MBOAT2: variants seen among roughly 807,000 people sequenced by gnomAD.
MBOAT2 encodes membrane-bound glycerophospholipid O-acyltransferase 2.
Under a neutral mutation model 63.4 loss-of-function variants are expected in MBOAT2, and 28 were observed. The ratio of observed to expected loss-of-function variants is 0.44; its 90% CI spans 0.33 to 0.61. The LOEUF (loss-of-function observed/expected upper bound fraction) is 0.61, where lower values mean the gene tolerates loss of function less well. MBOAT2 is among the 20% of genes least tolerant of loss of function. The pLI, the probability that MBOAT2 is intolerant of heterozygous loss-of-function variation, is 0.03. For missense variants in MBOAT2, 470 were observed against 605.8 expected, an observed-to-expected ratio of 0.78 and a Z score of 2.35; for synonymous variants, 211 against 215.6, an observed-to-expected ratio of 0.98 and a Z score of 0.19.
intron 3 of MBOAT2, among the ~76,000 whole-genome samples, chr2:8,926,997 T>C (rs1343477510): frequency 6.6e-6 from 1 of 152,200 alleles, no homozygotes; most frequent in Non-Finnish European, 1.5e-5. Flanking sequence ...AGACAGGTCT[T>C]AGTGATGGCT....
chr2:8,921,941 C>A (rs1666601030), intron 3 of MBOAT2, among the ~76,000 whole-genome samples: 5 of 152,210 alleles, frequency 3.3e-5, no homozygotes, highest in Admixed American at 2.6e-4. Context: ...CAATGGCCAT[C>A]ACTTCCTCAA....
chr2:8,928,925 A>T (rs182319940), intron 3 of MBOAT2, among the ~76,000 whole-genome samples: 245 of 152,350 alleles, frequency 1.6e-3, no homozygotes, highest in Middle Eastern at 3.4e-3. Flanking sequence ...ACTCTCAGAG[A>T]TCTCTGGATC....
intron 3 of MBOAT2, among the ~76,000 whole-genome samples, chr2:8,929,917 A>G (rs774620096): frequency 3.3e-5 from 5 of 152,156 alleles, no homozygotes; most frequent in Admixed American, 6.6e-5. Flanking sequence ...GAATTTGTGC[A>G]TGTGTTTTCT....
rs775520528 is a variant in MBOAT2 at position 8,868,447 on chromosome 2, T to C, written c.986A>G (p.Glu329Gly). The C allele has an allele frequency of 6.2e-7, 1 of 1,613,146 alleles. No individual in the cohort carries two copies. Among genetic ancestry groups the C allele is most frequent in the Non-Finnish European group, 8.5e-7 (1 of 1,179,436 alleles). Residue 329 changes from glutamate to glycine, a missense_variant and splice_region_variant, in exon 9 of 13, where the codon GAG (glutamate) becomes GGG (glycine). By Grantham distance (98) the Glu-to-Gly change is moderately conservative. Around this residue, in one of 3 missense-constraint regions of MBOAT2, gnomAD observed 376 missense variants for 503.8 expected, o/e 0.75. Transcript: ENST00000305997. ...LISNLRIQQI[E>G]MSTSFKMFLD... Reference sequence around the variant, plus strand: ...CTAACTTCTTAAAGATTGACTCACCTCTATTTGTTGAATTCTCAAATTGGA... The same window carrying C: ...CTAACTTCTTAAAGATTGACTCACCCCTATTTGTTGAATTCTCAAATTGGA...
intron 1 of MBOAT2, among the ~76,000 whole-genome samples, chr2:8,981,764 T>C (rs1671209819): frequency 6.6e-6 from 1 of 152,200 alleles, no homozygotes. Flanking sequence ...CCAGCCATGT[T>C]GGCTAGCTGA....
intron 1 of MBOAT2, among the ~76,000 whole-genome samples, chr2:8,973,172 T>C (rs1324671968): frequency 6.6e-6 from 1 of 152,110 alleles, no homozygotes; most frequent in Non-Finnish European, 1.5e-5. Context: ...ATATACACCA[T>C]GGAATACTAT....
rs1046843045 is a variant in MBOAT2 at position 8,854,284 on chromosome 2, A to G, written c.*4395T>C. The G allele has an allele frequency of 5.9e-5, 9 of 152,292 alleles. No individual in the cohort carries two copies. Among genetic ancestry groups the G allele is most frequent in the Admixed American group, 5.9e-4 (9 of 15,300 alleles). The allele number at this position is 152,292 out of a possible 1,614,324, so 9.4% of individuals were successfully genotyped here. On this transcript the variant is annotated 3_prime_UTR_variant, in exon 13 of 13. Coordinates refer to ENST00000305997, the MANE Select transcript of MBOAT2 (RefSeq NM_138799.4). ...CGTTCATCAAGAAACCCACTTTTAC[A>G]AGGGCTGGAGAAAACAGAAATTTCA...
chr2:8,893,363 A>G (rs1447119997), intron 4 of MBOAT2, among the ~76,000 whole-genome samples: 1 of 152,204 alleles, frequency 6.6e-6, no homozygotes, highest in Non-Finnish European at 1.5e-5. Flanking sequence ...CAGGGTACAT[A>G]GGCAGCTGGA....
intron 1 of MBOAT2, among the ~76,000 whole-genome samples, chr2:8,981,412 GAT>G (rs1164384700): frequency 6.6e-6 from 1 of 152,168 alleles, no homozygotes; most frequent in African/African-American, 2.4e-5. Flanking sequence ...AAATATGTCT[GAT>G]CAAGATGAAA....
At chr2:8,931,204 T>C (rs1463129411) in intron 3 of MBOAT2, among the ~76,000 whole-genome samples, 1 of 152,256 alleles carries the variant, frequency 6.6e-6, no homozygotes, top group Non-Finnish European at 1.5e-5. Context: ...GTTTCTGACT[T>C]TTTAATAATC....
intron 1 of MBOAT2, among the ~76,000 whole-genome samples, chr2:8,983,652 G>GT (rs1346890785): frequency 1.3e-5 from 2 of 152,108 alleles, no homozygotes; most frequent in African/African-American, 2.4e-5. Context: ...TGTGATAACT[G>GT]GTAAAACTTT....
chr2:8,973,132 A>G (rs1670567969), intron 1 of MBOAT2, among the ~76,000 whole-genome samples: 2 of 152,138 alleles, frequency 1.3e-5, no homozygotes, highest in South Asian at 4.1e-4. Flanking sequence ...ATATCCATCA[A>G]TGATAGACTG....
intron 1 of MBOAT2, among the ~76,000 whole-genome samples, chr2:8,989,475 A>G (rs777676435): frequency 2.0e-5 from 3 of 152,208 alleles, no homozygotes; most frequent in Non-Finnish European, 4.4e-5. Context: ...AAAACTCTAG[A>G]GAGGACAACA....
chr2:8,958,797 G>T (rs1024701421), intron 1 of MBOAT2, among the ~76,000 whole-genome samples, 155 bp from the exon 2 acceptor site: 1 of 152,188 alleles, frequency 6.6e-6, no homozygotes, highest in Non-Finnish European at 1.5e-5. Flanking sequence ...GAAATCCCAA[G>T]GATGAGCCTC....
chr2:8,899,873 G>A (rs1286390622), intron 4 of MBOAT2, among the ~76,000 whole-genome samples: 4 of 152,224 alleles, frequency 2.6e-5, no homozygotes, highest in Admixed American at 6.5e-5. Context: ...ATAGAACACC[G>A]AGGTTGCCAG....
intron 1 of MBOAT2, among the ~76,000 whole-genome samples, chr2:8,961,549 A>C (rs1222474835): frequency 1.3e-5 from 2 of 152,096 alleles, no homozygotes; most frequent in African/African-American, 4.8e-5. Context: ...AGAGCATTTC[A>C]CATCTACAGA....
chr2:8,975,996 G>T (rs1260685169), intron 1 of MBOAT2, among the ~76,000 whole-genome samples: 7 of 152,030 alleles, frequency 4.6e-5, no homozygotes. Flanking sequence ...GCCCTGTTCT[G>T]CAGGACAAGC....
chr2:8,908,321 T>C, intron 4 of MBOAT2: 2 of 226,764 alleles, frequency 8.8e-6, no homozygotes, highest in South Asian at 3.1e-4. Flanking sequence ...GTGAAATGCA[T>C]AGAAGTAAAA....
intron 1 of MBOAT2, among the ~76,000 whole-genome samples, chr2:8,991,987 C>T (rs550395561): frequency 2.6e-5 from 4 of 152,266 alleles, no homozygotes; most frequent in Admixed American, 2.0e-4. Context: ...TCCCTGGTAC[C>T]CTCCAGACAT....
Sources: gnomAD v4.1 joint callset for allele counts (sites outside exome capture counted in the v4.1 genomes callset) on GRCh38, gnomAD v4.1.1 for gene constraint, gnomAD v4.1.1 regional missense constraint, MANE v1.5 for transcripts, NCBI Gene and HGNC (gene_info 2026-07-23, HGNC 2026-07-21) for gene names.